Variants in SYT1 observed in about 807,000 individuals in gnomAD.
The protein encoded by SYT1 is synaptotagmin-1.
SYT1 carries 8 observed loss-of-function variants against 44.8 expected under a neutral mutation model. That is an observed-to-expected ratio of 0.18 (90% CI 0.10 to 0.32). The LOEUF (loss-of-function observed/expected upper bound fraction) is 0.32, where lower values mean the gene tolerates loss of function less well. Among genes scored for constraint, SYT1 ranks in the 10% least tolerant of loss-of-function variants. The pLI, the probability that SYT1 is intolerant of heterozygous loss-of-function variation, is 1.00. For synonymous variants in SYT1, 154 were observed against 188.8 expected (o/e 0.82, Z 1.51); for missense variants, 286 against 509.3 (o/e 0.56, Z 4.22).
intron 6 of SYT1, among the ~76,000 whole-genome samples, chr12:79,293,828 G>GA (rs1879753819): frequency 6.6e-6 from 1 of 152,084 alleles, no homozygotes; most frequent in Non-Finnish European, 1.5e-5. Flanking sequence ...ATACATTCTA[G>GA]AAAACTACAT....
At chr12:79,433,910 T>C (rs186205341) in intron 9 of SYT1, among the ~76,000 whole-genome samples, 1 of 152,294 alleles carries the variant, frequency 6.6e-6, no homozygotes, top group Admixed American at 6.5e-5. Flanking sequence ...CCCATAACCA[T>C]GCCCCACCTG....
chr12:79,443,934 A>AAAAGT (rs1385539823), intron 9 of SYT1, 139 bp from the exon 10 acceptor site: 1 of 902,612 alleles, frequency 1.1e-6, no homozygotes, highest in Non-Finnish European at 1.6e-6. Flanking sequence ...ATTTCAATAA[A>AAAAGT]AAAGTATTGA....
rs1043156848 is a variant in SYT1, at chr12:79,285,857, C to A, written c.237C>A (p.Ile79=). ...VLLVLTCCFC[I]CKKCLFKKKN... is the part of the protein sequence containing the mutation. ...TAGTCCTGACCTGCTGCTTTTGTAT[C>A]TGTAAGAAATGTTTGTTCAAAAAGA... is the stretch of plus-strand genomic sequence containing the variant. The change falls in exon 5 of 11, where the codon ATC becomes ATA. Residue 79 remains isoleucine, a synonymous_variant. Coordinates refer to ENST00000261205, the MANE Select transcript of SYT1 (RefSeq NM_005639.3). 1.2e-6 allele frequency: 2 copies of A among 1,613,490 alleles called. No homozygotes were observed.
intron 3 of SYT1, among the ~76,000 whole-genome samples, chr12:79,126,596 T>C (rs1868456017): frequency 6.6e-6 from 1 of 152,152 alleles, no homozygotes; most frequent in Non-Finnish European, 1.5e-5. Context: ...GTCCCTTAAA[T>C]AACTCCAGTG....
Position 79,291,991 on chromosome 12 carries a change from C to T in SYT1, c.352-17C>T. The stretch of plus-strand genomic sequence containing the variant: ...GAAAACTCTGAAATTCACATGTGAT[C>T]CTTTCTCTATACATAGGCCCTCAAG... On this transcript the variant is annotated splice_polypyrimidine_tract_variant and intron_variant, in intron 5 of 10. Transcript: ENST00000261205. The T allele has an allele frequency of 6.2e-7, 1 of 1,612,794 alleles. No individual in the cohort carries two copies. The highest frequency in any genetic ancestry group is 8.5e-7 in the Non-Finnish European group (1 of 1,179,742).
At chr12:79,304,596 G>A (rs1228238678) in intron 8 of SYT1, among the ~76,000 whole-genome samples, 1 of 152,062 alleles carries the variant, frequency 6.6e-6, no homozygotes, top group Non-Finnish European at 1.5e-5. Context: ...TTTCCATAAT[G>A]CACATGGAGC....
At chr12:79,317,861 A>G (rs1045343900) in intron 8 of SYT1, among the ~76,000 whole-genome samples, 12 of 152,148 alleles carry the variant, frequency 7.9e-5, no homozygotes, top group Admixed American at 2.0e-4. Flanking sequence ...GCGGGAGCTT[A>G]AGGGTAATTT....
intron 9 of SYT1, among the ~76,000 whole-genome samples, chr12:79,370,950 A>G (rs1223302757): frequency 2.0e-5 from 3 of 152,126 alleles, no homozygotes; most frequent in Non-Finnish European, 4.4e-5. Context: ...GGAAGAGCAC[A>G]TCTATTAAAG....
intron 1 of SYT1, among the ~76,000 whole-genome samples, chr12:78,906,542 G>A (rs1472228750): frequency 6.6e-6 from 1 of 152,070 alleles, no homozygotes; most frequent in African/African-American, 2.4e-5. Flanking sequence ...GAAAAAGGCC[G>A]TAACAGCAGT....
At chr12:79,376,354 T>C (rs994902049) in intron 9 of SYT1, among the ~76,000 whole-genome samples, 1 of 152,316 alleles carries the variant, frequency 6.6e-6, no homozygotes, top group Non-Finnish European at 1.5e-5. Flanking sequence ...AAAGGGTGGA[T>C]TATTCATGCC....
chr12:79,232,131 T>A (rs1875906107), intron 4 of SYT1, among the ~76,000 whole-genome samples: 1 of 152,162 alleles, frequency 6.6e-6, no homozygotes, highest in Non-Finnish European at 1.5e-5. Flanking sequence ...AAAGTATTCG[T>A]GTATATAAAG....
At chr12:79,374,977 A>T (rs1353133716) in intron 9 of SYT1, among the ~76,000 whole-genome samples, 1 of 152,244 alleles carries the variant, frequency 6.6e-6, no homozygotes, top group Non-Finnish European at 1.5e-5. Flanking sequence ...ATTCAACTCT[A>T]TTGCAACACA....
At chr12:78,882,351 G>A (rs1226957006) in intron 1 of SYT1, among the ~76,000 whole-genome samples, 2 of 151,666 alleles carry the variant, frequency 1.3e-5, no homozygotes, top group Non-Finnish European at 2.9e-5. Flanking sequence ...AGAAAGCTGA[G>A]CTTTCCACAG....
intron 1 of SYT1, chr12:78,976,717 C>T (rs968147116): frequency 4.6e-5 from 7 of 151,978 alleles, no homozygotes; most frequent in African/African-American, 1.7e-4. Flanking sequence ...TCACTGGAAT[C>T]GACAAAACCT....
At chr12:79,367,796 T>C (rs945804208) in intron 9 of SYT1, among the ~76,000 whole-genome samples, 1 of 151,720 alleles carries the variant, frequency 6.6e-6, no homozygotes. Flanking sequence ...ATACTAAGAA[T>C]CTCAGATAAG....
chr12:78,963,485 C>T (rs1282688661), intron 1 of SYT1, among the ~76,000 whole-genome samples: 1 of 151,874 alleles, frequency 6.6e-6, no homozygotes, highest in South Asian at 2.1e-4. Flanking sequence ...CACTGACAAC[C>T]CAATTTAAAA....
chr12:79,256,415 T>G (rs913383788), intron 4 of SYT1, among the ~76,000 whole-genome samples: 1 of 152,150 alleles, frequency 6.6e-6, no homozygotes, highest in African/African-American at 2.4e-5. Flanking sequence ...TCCAGGGAAT[T>G]TTTTTTCTTT....
chr12:79,084,725 A>G (rs1877264638), intron 3 of SYT1, among the ~76,000 whole-genome samples: 1 of 152,196 alleles, frequency 6.6e-6, no homozygotes, highest in Admixed American at 6.6e-5. Flanking sequence ...TATCAATTAT[A>G]TACTACAAGT....
chr12:79,142,109 A>G (rs188453044), intron 3 of SYT1, among the ~76,000 whole-genome samples: 1 of 152,232 alleles, frequency 6.6e-6, no homozygotes, highest in Non-Finnish European at 1.5e-5. Flanking sequence ...GTGCCTGTGC[A>G]TATCTCAAGA....
Sources: allele counts gnomAD v4.1 joint callset (sites outside exome capture counted in the v4.1 genomes callset), GRCh38; gene constraint gnomAD v4.1.1; transcripts MANE v1.5; gene names NCBI Gene and HGNC (gene_info 2026-07-23, HGNC 2026-07-21).